The following ST18 variants were observed in gnomAD, a reference collection of about 807,000 sequenced individuals.
ST18 encodes the protein ST18 C2H2C-type zinc finger transcription factor.
ST18 carries 50 observed loss-of-function variants against 110.0 expected under a neutral mutation model. The ratio of observed to expected loss-of-function variants is 0.45; its 90% CI spans 0.36 to 0.58. ST18 has a LOEUF of 0.58. Among genes scored for constraint, ST18 ranks in the 20% least tolerant of loss-of-function variants. ST18 has a pLI of 0.00. For synonymous variants in ST18, 461 were observed against 452.4 expected (o/e 1.02, Z -0.24); for missense variants, 1,306 against 1,280.1 (o/e 1.02, Z -0.31).
chr8:52,350,019 T>C (rs927218150), intron 2 of ST18, among the ~76,000 whole-genome samples: 1 of 152,118 alleles, frequency 6.6e-6, no homozygotes, highest in Non-Finnish European at 1.5e-5. Context: ...CCCTTCCTCC[T>C]GTTCCACACC....
chr8:52,122,347 T>C (rs2045265177), intron 23 of ST18, among the ~76,000 whole-genome samples: 2 of 152,152 alleles, frequency 1.3e-5, no homozygotes, highest in Non-Finnish European at 2.9e-5. Flanking sequence ...TATATACTTG[T>C]ATAGAGCAAG....
intron 2 of ST18, among the ~76,000 whole-genome samples, chr8:52,386,607 G>A (rs1836885135): frequency 6.6e-6 from 1 of 152,066 alleles, no homozygotes; most frequent in African/African-American, 2.4e-5. Flanking sequence ...CGCAACCCAA[G>A]CCATCTCTTC....
intron 2 of ST18, among the ~76,000 whole-genome samples, chr8:52,284,807 C>T (rs2095441438): frequency 6.6e-6 from 1 of 151,920 alleles, no homozygotes; most frequent in Non-Finnish European, 1.5e-5. Flanking sequence ...AGAAATATAA[C>T]CCCCGCCACC....
intron 23 of ST18, among the ~76,000 whole-genome samples, chr8:52,124,802 T>C (rs2046359582): frequency 6.6e-6 from 1 of 151,964 alleles, no homozygotes; most frequent in African/African-American, 2.4e-5. Context: ...AGGGAGAGAA[T>C]CCCCAACAAG....
chr8:52,364,955 A>T (rs1827232149), intron 2 of ST18, among the ~76,000 whole-genome samples: 1 of 152,140 alleles, frequency 6.6e-6, no homozygotes, highest in South Asian at 2.1e-4. Context: ...TACTAAAAAT[A>T]CAAAAATTAG....
At chr8:52,393,470 T>C (rs1192445249) in intron 2 of ST18, 2 of 152,154 alleles carry the variant, frequency 1.3e-5, no homozygotes, top group Non-Finnish European at 2.9e-5. Context: ...TCAATCATTT[T>C]CTTTTCACTG....
rs138117107 is a variant in ST18 at position 52,349,984 on chromosome 8, A to C, written c.-465+59344T>G. ...CTGTGCAGGGAGAAACAGAGGGATC[A>C]GGAATTCAACACAGCAACTCCACGC... is the stretch of plus-strand genomic sequence containing the variant. On this transcript the variant is annotated intron_variant, in intron 2 of 25. Transcript: ENST00000689386. Among the ~76,000 whole-genome samples the C allele has an allele frequency of 5.2e-3, 790 of 152,288 alleles. 11 individuals carry two copies. The highest frequency in any genetic ancestry group is 0.018 in the Admixed American group (276 of 15,302).
intron 4 of ST18, among the ~76,000 whole-genome samples, chr8:52,221,127 CTAT>C (rs1564147260): frequency 6.6e-6 from 1 of 151,854 alleles, no homozygotes; most frequent in African/African-American, 2.4e-5. Context: ...ATCTATCTAT[CTAT>C]CTATCTACCT....
At chr8:52,230,455 T>A (rs2136900428) in intron 2 of ST18, among the ~76,000 whole-genome samples, 1 of 152,126 alleles carries the variant, frequency 6.6e-6, no homozygotes, top group East Asian at 1.9e-4. Flanking sequence ...TAATTTCTAA[T>A]CAGATCCTAC....
At chr8:52,222,945 T>G (rs934220542) in intron 3 of ST18, among the ~76,000 whole-genome samples, 1 of 152,188 alleles carries the variant, frequency 6.6e-6, no homozygotes, top group Admixed American at 6.5e-5. Flanking sequence ...TGAATACTTT[T>G]GCATTGAAAC....
intron 6 of ST18, among the ~76,000 whole-genome samples, chr8:52,216,760 A>T (rs2084396005): frequency 6.6e-6 from 1 of 152,162 alleles, no homozygotes; most frequent in Non-Finnish European, 1.5e-5. Flanking sequence ...CTTCATTTGG[A>T]TTATTCTCAC....
chr8:52,129,079 A>T (rs1016585516), intron 22 of ST18, among the ~76,000 whole-genome samples: 11 of 152,178 alleles, frequency 7.2e-5, no homozygotes, highest in Admixed American at 6.5e-4. Context: ...TATAGGCTTA[A>T]TATTATCTTC....
chr8:52,409,779 T>C (rs767711268), upstream of ST18: 5 of 152,264 alleles, frequency 3.3e-5, no homozygotes, highest in Non-Finnish European at 7.3e-5. Context: ...CGCTGCAACT[T>C]GCTAACTTTG....
chr8:52,341,312 A>T (rs1446337912), intron 2 of ST18, among the ~76,000 whole-genome samples: 3 of 152,212 alleles, frequency 2.0e-5, no homozygotes, highest in Non-Finnish European at 2.9e-5. Flanking sequence ...GTTGACTTTG[A>T]GTTGAAATAC....
intron 2 of ST18, among the ~76,000 whole-genome samples, chr8:52,358,188 T>C (rs763508331): frequency 8.6e-5 from 13 of 151,900 alleles, no homozygotes; most frequent in African/African-American, 2.4e-5. Context: ...CCAACATCTA[T>C]GGGATCCACT....
intron 16 of ST18, among the ~76,000 whole-genome samples, chr8:52,143,772 A>C (rs2056209481): frequency 6.6e-6 from 1 of 152,222 alleles, no homozygotes; most frequent in African/African-American, 2.4e-5. Context: ...TATTGCAAAA[A>C]TGAATCACAC....
intron 2 of ST18, among the ~76,000 whole-genome samples, chr8:52,235,291 C>T (rs749050783): frequency 1.3e-5 from 2 of 152,160 alleles, no homozygotes; most frequent in Non-Finnish European, 2.9e-5. Flanking sequence ...CACCTGGTCT[C>T]CGAGTTCCCA....
At chr8:52,308,892 T>A (rs922729709) in intron 2 of ST18, among the ~76,000 whole-genome samples, 11 of 152,230 alleles carry the variant, frequency 7.2e-5, no homozygotes, top group Non-Finnish European at 1.5e-4. Context: ...GCCAAGGCTA[T>A]AACTAAGTGT....
At chr8:52,187,983 T>G (rs1197257039) in intron 8 of ST18, among the ~76,000 whole-genome samples, 1 of 152,224 alleles carries the variant, frequency 6.6e-6, no homozygotes, top group Non-Finnish European at 1.5e-5. Context: ...ATATGGACAG[T>G]ACTATTTTTC....
Sources: gnomAD v4.1 joint callset for allele counts (sites outside exome capture counted in the v4.1 genomes callset) on GRCh38, gnomAD v4.1.1 for gene constraint, MANE v1.5 for transcripts, NCBI Gene and HGNC (gene_info 2026-07-23, HGNC 2026-07-21) for gene names.